Variants in TMEM260 observed in about 807,000 individuals in gnomAD.
The protein encoded by TMEM260 is protein O-mannosyl-transferase TMEM260.
Under a neutral mutation model 88.9 loss-of-function variants are expected in TMEM260, and 82 were observed. The ratio of observed to expected loss-of-function variants is 0.92; its 90% CI spans 0.77 to 1.11. TMEM260 has a LOEUF of 1.11. TMEM260 is among the 50% of genes least tolerant of loss of function. The pLI is 0.00. For missense variants in TMEM260, 902 were observed against 853.4 expected, an observed-to-expected ratio of 1.06 and a Z score of -0.71; for synonymous variants, 314 against 309.3, an observed-to-expected ratio of 1.02 and a Z score of -0.16.
chr14:56,593,922 C>G (rs945068619), intron 3 of TMEM260, among the ~76,000 whole-genome samples: 2 of 151,622 alleles, frequency 1.3e-5, no homozygotes, highest in East Asian at 1.9e-4. Flanking sequence ...CTCCTGACCT[C>G]ATGATCCACC....
chr14:56,607,315 C>T (rs927782334), intron 5 of TMEM260, among the ~76,000 whole-genome samples: 2 of 152,120 alleles, frequency 1.3e-5, no homozygotes, highest in African/African-American at 2.4e-5. Flanking sequence ...AAAGGAGAGG[C>T]ATATACTTTC....
At chr14:56,596,062 C>T (rs1046061762) in intron 3 of TMEM260, among the ~76,000 whole-genome samples, 56 of 151,890 alleles carry the variant, frequency 3.7e-4, no homozygotes, top group African/African-American at 1.3e-3. Context: ...ACCAAGACAC[C>T]ATTTATATAG....
chr14:56,594,033 A>AGTG (rs997257836), intron 3 of TMEM260, among the ~76,000 whole-genome samples: 8 of 152,026 alleles, frequency 5.3e-5, no homozygotes, highest in African/African-American at 1.9e-4. Context: ...AAATTATCAT[A>AGTG]GTGGTGGTGG....
At chr14:56,620,464 C>G (rs1594858443) in intron 10 of TMEM260, among the ~76,000 whole-genome samples, 1 of 152,338 alleles carries the variant, frequency 6.6e-6, no homozygotes, top group South Asian at 2.1e-4. Context: ...TTTTCTTATC[C>G]CAGTCATCTC....
chr14:56,580,154 C>G (rs563621089), intron 1 of TMEM260, 80 bp downstream of exon 1: 4 of 1,186,170 alleles, frequency 3.4e-6, no homozygotes, highest in Non-Finnish European at 4.3e-6. Context: ...GGCCCCTGCT[C>G]TTGGCATTCG....
At chr14:56,614,509 A>G (rs532635206) in intron 7 of TMEM260, among the ~76,000 whole-genome samples, 1 of 152,338 alleles carries the variant, frequency 6.6e-6, no homozygotes, top group Non-Finnish European at 1.5e-5. Flanking sequence ...AGATTGTTAC[A>G]GCATTAAGGA....
At chr14:56,596,812 C>T (rs1441183103) in intron 3 of TMEM260, among the ~76,000 whole-genome samples, 2 of 142,874 alleles carry the variant, frequency 1.4e-5, no homozygotes, top group East Asian at 4.1e-4. Flanking sequence ...TATATACACA[C>T]ACACACCAAT....
At chr14:56,646,753 GTGT>G (rs1223816054) in intron 15 of TMEM260, among the ~76,000 whole-genome samples, 1 of 152,042 alleles carries the variant, frequency 6.6e-6, no homozygotes, top group African/African-American at 2.4e-5. Context: ...AGTGTTGTTA[GTGT>G]TGTTTTTAAT....
At position 56,605,598 on chromosome 14, in the gene TMEM260, G is replaced by T; in HGVS notation, c.551G>T (p.Gly184Val). The T allele has an allele frequency of 1.3e-6, 2 of 1,567,168 alleles. No homozygotes were observed. Among genetic ancestry groups the T allele is most frequent in the Non-Finnish European group, 1.7e-6 (2 of 1,158,602 alleles). The part of the protein sequence containing the change: ...KVAKIGAFCC[G>V]LSLCNQHTII... ...GCTAAAATTGGTGCTTTCTGCTGTG[G>T]CCTTAGTTTATGTAACCAGCACACA... Residue 184 changes from glycine to valine, a missense_variant, in exon 5 of 16, where the codon GGC becomes GTC. Physicochemically the swap from Gly to Val is moderately radical, Grantham distance 109 (BLOSUM62 -3). Transcript: ENST00000261556.
At chr14:56,622,464 TGTAG>T (rs1282654684) in intron 11 of TMEM260, among the ~76,000 whole-genome samples, 1 of 152,032 alleles carries the variant, frequency 6.6e-6, no homozygotes, top group African/African-American at 2.4e-5. Flanking sequence ...TAAATCATAC[TGTAG>T]GTAAGTAAAC....
At chr14:56,585,608 G>T (rs939269500) in intron 2 of TMEM260, 153 bp from the exon 3 acceptor site, 3 of 689,142 alleles carry the variant, frequency 4.4e-6, no homozygotes, top group Non-Finnish European at 7.2e-6. Flanking sequence ...ATTGCCTCAA[G>T]AGGATTACAA....
the TMEM260 span, among the ~76,000 whole-genome samples, chr14:56,659,742 C>T: frequency 6.6e-6 from 1 of 152,222 alleles, no homozygotes; most frequent in Non-Finnish European, 1.5e-5. Flanking sequence ...CCTTAATACC[C>T]TCATTCTTTC....
At chr14:56,599,787 C>T (rs951745478) in intron 3 of TMEM260, among the ~76,000 whole-genome samples, 1 of 152,166 alleles carries the variant, frequency 6.6e-6, no homozygotes, top group Admixed American at 6.5e-5. Context: ...ATCAATTAAA[C>T]ATGTATGTGT....
intron 15 of TMEM260, among the ~76,000 whole-genome samples, chr14:56,644,043 G>T (rs1251663210): frequency 2.6e-5 from 4 of 152,108 alleles, no homozygotes; most frequent in African/African-American, 9.7e-5. Flanking sequence ...CATGCTCATG[G>T]GTAGGAAGAA....
At chr14:56,643,384 T>C (rs1395983343) in intron 15 of TMEM260, among the ~76,000 whole-genome samples, 13 of 152,146 alleles carry the variant, frequency 8.5e-5, no homozygotes, top group African/African-American at 3.1e-4. Context: ...TAATCCAGCA[T>C]ATAAACAGAA....
rs1890109367 is a variant in TMEM260, at chr14:56,648,634, T to G, written c.*1137T>G. On this transcript the variant is annotated 3_prime_UTR_variant, in exon 16 of 16. Coordinates refer to ENST00000261556, the MANE Select transcript of TMEM260 (RefSeq NM_017799.4). ...GGCCCCTTACCAGGAATAGTCACAGTTCCGTGGCATTGTACTAGCAAAAGG... is the reference window on the plus strand; with the variant it reads ...GGCCCCTTACCAGGAATAGTCACAGGTCCGTGGCATTGTACTAGCAAAAGG... 1 of 152,674 alleles carries G rather than the reference T, an allele frequency of 6.5e-6. No homozygotes were observed. The highest frequency in any genetic ancestry group is 2.4e-5 in the African/African-American group (1 of 41,458). 9.5% of individuals were successfully genotyped at this position (152,674 alleles called of 1,614,324 possible).
rs1223174275 is a variant in TMEM260 at position 56,618,496 on chromosome 14, C to A, written c.1057-98C>A. Reference sequence around the variant, plus strand: ...AAACCTGAATGACAACAGGCACACACAACTAGGTGCATGCAGCATATTTAA... The same window carrying A: ...AAACCTGAATGACAACAGGCACACAAAACTAGGTGCATGCAGCATATTTAA... On this transcript the variant is annotated intron_variant, in intron 9 of 15. Transcript: ENST00000261556. 4.4e-6 allele frequency: 5 copies of A among 1,126,050 alleles called. No individual in the cohort carries two copies. In the Admixed American group the frequency reaches 6.5e-5, roughly 15 times the overall value. The allele number at this position is 1,126,050 out of a possible 1,614,324, so 69.8% of individuals were successfully genotyped here.
chr14:56,647,679 T>C lies in TMEM260; in HGVS notation c.*182T>C. 1 of 611,248 alleles carries C rather than the reference T, an allele frequency of 1.6e-6. No individual in the cohort carries two copies. Among genetic ancestry groups the C allele is most frequent in the Non-Finnish European group, 2.6e-6 (1 of 378,626 alleles). The allele number at this position is 611,248 out of a possible 1,614,324, so 37.9% of individuals were successfully genotyped here. On this transcript the variant is annotated 3_prime_UTR_variant, in exon 16 of 16. Transcript: ENST00000261556. ...TTCAGTGACTAAGGTCTGCTATTTA[T>C]GCAAAATTCTGTTTATCCCGTGTTA...
intron 11 of TMEM260, among the ~76,000 whole-genome samples, chr14:56,624,371 C>G (rs186912714): frequency 2.0e-5 from 3 of 152,084 alleles, no homozygotes; most frequent in African/African-American, 4.8e-5. Flanking sequence ...GCCAGGAGTT[C>G]GACACCAGCC....
Sources: allele counts gnomAD v4.1 joint callset (sites outside exome capture counted in the v4.1 genomes callset), GRCh38; gene constraint gnomAD v4.1.1; transcripts MANE v1.5; gene names NCBI Gene and HGNC (gene_info 2026-07-23, HGNC 2026-07-21).